The following FRMPD1 variants were observed in gnomAD, a reference collection of about 807,000 sequenced individuals.
FRMPD1 encodes FERM and PDZ domain containing 1, also known as FERM and PDZ domain-containing protein 1.
Under a neutral mutation model 117.8 loss-of-function variants are expected in FRMPD1, and 76 were observed. The ratio of observed to expected loss-of-function variants is 0.65; its 90% confidence interval spans 0.54 to 0.78. The LOEUF is 0.78. Ranked by LOEUF, FRMPD1 falls within the 30% of genes least tolerant of loss-of-function variation. The pLI, the probability that FRMPD1 is intolerant of heterozygous loss-of-function variation, is 0.00. For synonymous variants in FRMPD1, 783 were observed against 770.4 expected (o/e 1.02, Z -0.27); for missense variants, 1,786 against 1,964.5 (o/e 0.91, Z 1.72).
chr9:37,637,318 C>G, the FRMPD1 span: 3 of 1,132,048 alleles, frequency 2.7e-6, no homozygotes, highest in South Asian at 1.2e-5. Flanking sequence ...CCCGCTCAGT[C>G]GCTCCCAGTC....
chr9:37,719,189 T>C lies in FRMPD1; in HGVS notation c.516+13T>C. ...TGGACACAGCCAGGTGTGTCACTAG[T>C]CAAGGGATTGAAATTATGAAGCTGG... On this transcript the variant is annotated intron_variant, in intron 6 of 15. Transcript: ENST00000377765. 5.9e-6 allele frequency: 9 copies of C among 1,515,514 alleles called. No homozygotes were observed. The highest frequency in any genetic ancestry group is 8.3e-6 in the Non-Finnish European group (9 of 1,089,942). 93.9% of individuals were successfully genotyped at this position (1,515,514 alleles called of 1,614,324 possible). A position where few individuals can be genotyped will look rare whatever the true frequency, so the allele number is the denominator to read the frequency against.
rs1220077359 is a variant in FRMPD1, at chr9:37,746,055, C to T, written c.4023C>T (p.Ala1341=). The T allele has an allele frequency of 6.2e-7, 1 of 1,614,080 alleles. No individual in the cohort carries two copies. The highest frequency in any genetic ancestry group is 8.5e-7 in the Non-Finnish European group (1 of 1,180,032). The change falls in exon 16 of 16, where the codon GCC becomes GCT. Residue 1341 remains alanine, a synonymous_variant. Coordinates refer to ENST00000377765, the MANE Select transcript of FRMPD1 (RefSeq NM_014907.3). The stretch of plus-strand genomic sequence containing the variant: ...AGTGCAGCTGTCAGTTCTCCTATGC[C>T]ACATGCTTCCGTGGCCCGCAGCCTG... ...MDQCSCQFSY[A]TCFRGPQPET...
At chr9:37,744,112 C>A (rs186531114) in intron 15 of FRMPD1, among the ~76,000 whole-genome samples, 1 of 151,868 alleles carries the variant, frequency 6.6e-6, no homozygotes, top group Non-Finnish European at 1.5e-5. Context: ...ATTGCTTGAA[C>A]CTGGGAGGCA....
In FRMPD1 at chr9:37,744,592, C is replaced by T; in HGVS notation, c.2560C>T (p.Leu854=). 7.4e-6 allele frequency: 12 copies of T among 1,614,136 alleles called. No individual in the cohort carries two copies. Among genetic ancestry groups the T allele is most frequent in the South Asian group, 1.1e-5 (1 of 91,082 alleles). ...CTACACCTCTCAGGTCTCATTTCCC[C>T]TGGTGCCATCAGCCTCCCTGGAGAG... The part of the protein sequence containing the change: ...TDYTSQVSFP[L]VPSASLESVD... Residue 854 remains leucine, a synonymous_variant, in exon 16 of 16, where the codon CTG becomes TTG. Transcript: ENST00000377765.
intron 1 of FRMPD1, among the ~76,000 whole-genome samples, chr9:37,656,469 TA>T (rs1194898649): frequency 6.6e-6 from 1 of 152,182 alleles, no homozygotes; most frequent in Non-Finnish European, 1.5e-5. Context: ...TTCCTTACTG[TA>T]AAAAAGATCA....
rs548922862 is a variant in FRMPD1 at position 37,722,936 on chromosome 9, C to G, written c.517-1289C>G. Among the ~76,000 whole-genome samples the G allele has an allele frequency of 2.0e-5, 3 of 152,244 alleles. No individual in the cohort carries two copies. In the East Asian group the frequency reaches 5.8e-4, roughly 29 times the overall value. The stretch of plus-strand genomic sequence containing the variant: ...CGAGAGCTGGGAGATTCTCCAAAAC[C>G]CTCTCCTGCTCCATCCCAGGAGTTC... On this transcript the variant is annotated intron_variant, in intron 6 of 15. Coordinates refer to ENST00000377765, the MANE Select transcript of FRMPD1 (RefSeq NM_014907.3).
At position 37,745,527 on chromosome 9, in the gene FRMPD1, T is replaced by G. The variant is rs1243216642; in HGVS notation, c.3495T>G (p.Ala1165=). 5 of 1,614,028 alleles carry G rather than the reference T, an allele frequency of 3.1e-6. No individual in the cohort carries two copies. The highest frequency in any genetic ancestry group is 1.3e-5 in the African/African-American group (1 of 74,924). ...GKIVTSLSLD[A]PVTGTEQIPP... is the part of the protein sequence containing the mutation. ...TAGTAACCTCCCTTTCTTTAGATGCTCCTGTAACAGGGACCGAGCAGATCC... is the reference window on the plus strand; with the variant it reads ...TAGTAACCTCCCTTTCTTTAGATGCGCCTGTAACAGGGACCGAGCAGATCC... The change falls in exon 16 of 16, where the codon GCT becomes GCG. Residue 1165 remains alanine (A), a synonymous_variant. Transcript: ENST00000377765.
rs1006714541 is a variant in FRMPD1, at chr9:37,654,971, C to T, written c.-5+3877C>T. Among the ~76,000 whole-genome samples, 5 of 152,274 alleles carry T rather than the reference C, an allele frequency of 3.3e-5. No homozygotes were observed. The East Asian group carries it at 5.8e-4, about 18-fold the overall frequency. On this transcript the variant is annotated intron_variant, in intron 1 of 15. Transcript: ENST00000377765. The stretch of plus-strand genomic sequence containing the variant: ...TGCACAGTAGACCCTTCTTTAGGAT[C>T]TCTTTCCCTCCCTCCTTCCCTGCCC...
chr9:37,668,821 TTTAACTGGTAATTA>T (rs1483512319), intron 1 of FRMPD1, among the ~76,000 whole-genome samples: 2 of 152,244 alleles, frequency 1.3e-5, no homozygotes, highest in Non-Finnish European at 2.9e-5. Context: ...TCTTCTCAAA[TTTAACTGGTAATTA>T]TTTCTCACAT....
intron 12 of FRMPD1, among the ~76,000 whole-genome samples, chr9:37,735,109 G>T (rs1824059646): frequency 6.6e-6 from 1 of 152,230 alleles, no homozygotes; most frequent in Non-Finnish European, 1.5e-5. Flanking sequence ...TAAGTGTTCA[G>T]TGCTAGTAGA....
At chr9:37,721,813 A>G (rs1409769163) in intron 6 of FRMPD1, among the ~76,000 whole-genome samples, 2 of 152,248 alleles carry the variant, frequency 1.3e-5, no homozygotes, top group Non-Finnish European at 2.9e-5. Flanking sequence ...TTATAAATCC[A>G]TTAAAATTAT....
At chr9:37,742,603 A>G (rs570186296) in intron 15 of FRMPD1, among the ~76,000 whole-genome samples, 1 of 152,286 alleles carries the variant, frequency 6.6e-6, no homozygotes, top group East Asian at 1.9e-4. Flanking sequence ...ACCTTGTTTA[A>G]AAACTATAGA....
At chr9:37,650,899 C>CGGCGCG (rs1357781156), upstream of FRMPD1, 1 of 148,492 alleles carries the variant, frequency 6.7e-6, no homozygotes, top group Non-Finnish European at 1.5e-5. Flanking sequence ...CGCCGCCAGA[C>CGGCGCG]GGCGCGGGCG....
chr9:37,642,684 T>C, the FRMPD1 span, among the ~76,000 whole-genome samples: 4,759 of 152,296 alleles, frequency 0.031, 237 homozygotes, highest in African/African-American at 0.11. Context: ...TGGAAGCTCA[T>C]GACATTTACT....
intron 5 of FRMPD1, among the ~76,000 whole-genome samples, chr9:37,712,986 T>C (rs1232357604): frequency 6.6e-6 from 1 of 151,946 alleles, no homozygotes; most frequent in Non-Finnish European, 1.5e-5. Context: ...ATTACTGACA[T>C]ATATAAAAAA....
chr9:37,730,317 T>C (rs1823814388), intron 8 of FRMPD1, among the ~76,000 whole-genome samples: 1 of 152,160 alleles, frequency 6.6e-6, no homozygotes, highest in African/African-American at 2.4e-5. Flanking sequence ...TCACTCAATC[T>C]CCCAACCATT....
chr9:37,606,686 C>G, the FRMPD1 span, among the ~76,000 whole-genome samples: 2 of 152,134 alleles, frequency 1.3e-5, no homozygotes, highest in East Asian at 3.8e-4. Context: ...AAAAAAGATT[C>G]CCTTTAAACC....
At chr9:37,636,567 C>G in the FRMPD1 span, 1 of 707,600 alleles carries the variant, frequency 1.4e-6, no homozygotes, top group Non-Finnish European at 2.3e-6. Flanking sequence ...ATGGGGAGCC[C>G]AGGACACCCC....
intron 6 of FRMPD1, among the ~76,000 whole-genome samples, chr9:37,721,664 T>C (rs1409782659): frequency 6.6e-6 from 1 of 152,206 alleles, no homozygotes; most frequent in South Asian, 2.1e-4. Flanking sequence ...TATACAATAA[T>C]TTAAATGTGA....
Sources: gnomAD v4.1 joint callset for allele counts (sites outside exome capture counted in the v4.1 genomes callset) on GRCh38, gnomAD v4.1.1 for gene constraint, MANE v1.5 for transcripts, NCBI Gene and HGNC (gene_info 2026-07-23, HGNC 2026-07-21) for gene names.